CSMD1: variants seen among roughly 807,000 people sequenced by gnomAD.
CSMD1 encodes the protein CUB and Sushi multiple domains 1.
In CSMD1, 213 loss-of-function variants were observed where a neutral mutation model predicts 417.5. That is an observed-to-expected ratio of 0.51 (90% CI 0.46 to 0.57). The LOEUF is 0.57. CSMD1 is among the 20% of genes least tolerant of loss of function. The pLI, the probability that CSMD1 is intolerant of heterozygous loss-of-function variation, is 0.00. For synonymous variants in CSMD1, 2,862 were observed against 1,736.8 expected, an observed-to-expected ratio of 1.65 and a Z score of -16.11; for missense variants, 6,923 against 4,529.7, an observed-to-expected ratio of 1.53 and a Z score of -15.17.
chr8:4,558,637 C>T (rs894387219), intron 2 of CSMD1, among the ~76,000 whole-genome samples: 1 of 152,146 alleles, frequency 6.6e-6, no homozygotes, highest in African/African-American at 2.4e-5. Flanking sequence ...GAGGCTGAGG[C>T]AGCTGGATCA....
chr8:4,816,800 G>T (rs776901250), intron 1 of CSMD1, among the ~76,000 whole-genome samples: 1 of 152,142 alleles, frequency 6.6e-6, no homozygotes, highest in African/African-American at 2.4e-5. Flanking sequence ...AAAGATGGGA[G>T]AGATGTCACA....
intron 51 of CSMD1, among the ~76,000 whole-genome samples, chr8:3,028,809 C>A (rs975476331): frequency 1.3e-5 from 2 of 152,152 alleles, no homozygotes; most frequent in Non-Finnish European, 2.9e-5. Context: ...ATTCAGAGTG[C>A]TCTGAACAAT....
chr8:4,154,794 G>C (rs1189070901), intron 3 of CSMD1, among the ~76,000 whole-genome samples: 1 of 152,184 alleles, frequency 6.6e-6, no homozygotes, highest in African/African-American at 2.4e-5. Flanking sequence ...GAAAATAAGA[G>C]AAAGACTGAA....
At chr8:3,589,191 A>G (rs1800734841) in intron 8 of CSMD1, among the ~76,000 whole-genome samples, 1 of 152,188 alleles carries the variant, frequency 6.6e-6, no homozygotes, top group Admixed American at 6.5e-5. Flanking sequence ...GGTTGCTGAA[A>G]AAATTAAAAA....
chr8:4,468,263 T>G lies in CSMD1; in HGVS notation c.303-48198A>C, dbSNP rs73660877. 3.6e-3 allele frequency among the ~76,000 whole-genome samples: 543 copies of G among 152,336 alleles called. 3 individuals are homozygous for G. The highest frequency in any genetic ancestry group is 0.012 in the African/African-American group (519 of 41,586). ...AGAGCTGGCTGACTTCTGAGACTCCTGACCCCACCTTCACCCAAGGAACTT... is the reference window on the plus strand; with the variant it reads ...AGAGCTGGCTGACTTCTGAGACTCCGGACCCCACCTTCACCCAAGGAACTT... On this transcript the variant is annotated intron_variant, in intron 2 of 69. Coordinates refer to ENST00000635120, the MANE Select transcript of CSMD1 (RefSeq NM_033225.6).
chr8:4,338,547 T>C (rs1470601749), intron 3 of CSMD1, among the ~76,000 whole-genome samples: 3 of 152,192 alleles, frequency 2.0e-5, no homozygotes, highest in African/African-American at 7.2e-5. Context: ...TTACTCTATT[T>C]TCAAAACTAA....
chr8:4,716,540 T>C (rs560033330), intron 1 of CSMD1, among the ~76,000 whole-genome samples: 2 of 152,350 alleles, frequency 1.3e-5, no homozygotes, highest in South Asian at 4.1e-4. Context: ...CTACTTTTAA[T>C]TGACAGATAA....
At chr8:3,147,785 T>C (rs779212815) in intron 40 of CSMD1, among the ~76,000 whole-genome samples, 1 of 152,236 alleles carries the variant, frequency 6.6e-6, no homozygotes, top group African/African-American at 2.4e-5. Flanking sequence ...AAATATTGTT[T>C]AACACAGTTT....
intron 7 of CSMD1, among the ~76,000 whole-genome samples, chr8:3,694,060 G>C (rs1276124460): frequency 1.3e-5 from 2 of 151,636 alleles, no homozygotes; most frequent in African/African-American, 4.9e-5. Flanking sequence ...GTGTTAGTGT[G>C]TGTGTGTTGT....
intron 5 of CSMD1, among the ~76,000 whole-genome samples, chr8:3,958,840 TAGTAGGTGAAGTGTA>T (rs1812139798): frequency 6.6e-6 from 1 of 152,198 alleles, no homozygotes; most frequent in African/African-American, 2.4e-5. Context: ...GGAAATTGTG[TAGTAGGTGAAGTGTA>T]AGTAGATGAT....
chr8:3,481,254 G>C (rs1338091950), intron 11 of CSMD1, among the ~76,000 whole-genome samples: 1 of 148,418 alleles, frequency 6.7e-6, no homozygotes, highest in Non-Finnish European at 1.5e-5. Flanking sequence ...AAGGAGAAAA[G>C]AAAAGAAACT....
At chr8:3,268,745 T>C (rs1801621611) in intron 26 of CSMD1, among the ~76,000 whole-genome samples, 1 of 152,202 alleles carries the variant, frequency 6.6e-6, no homozygotes, top group Non-Finnish European at 1.5e-5. Context: ...GTTGTCTACC[T>C]CTGCCTACCT....
chr8:3,575,652 C>G (rs998368950), intron 9 of CSMD1, among the ~76,000 whole-genome samples: 1 of 151,900 alleles, frequency 6.6e-6, no homozygotes, highest in Non-Finnish European at 1.5e-5. Context: ...TTCTTTACAG[C>G]ACAACGCAAA....
chr8:3,748,926 G>T (rs1797184970), intron 6 of CSMD1, among the ~76,000 whole-genome samples: 1 of 152,098 alleles, frequency 6.6e-6, no homozygotes, highest in African/African-American at 2.4e-5. Flanking sequence ...TATAAAAATT[G>T]GAATTTTATT....
intron 1 of CSMD1, among the ~76,000 whole-genome samples, chr8:4,680,947 T>C (rs982505382): frequency 7.3e-6 from 1 of 136,606 alleles, no homozygotes; most frequent in Non-Finnish European, 1.5e-5. Context: ...TCTATCTATA[T>C]TGATGTGTGT....
intron 2 of CSMD1, among the ~76,000 whole-genome samples, chr8:4,505,305 G>A (rs1377126787): frequency 6.6e-6 from 1 of 152,028 alleles, no homozygotes; most frequent in Non-Finnish European, 1.5e-5. Flanking sequence ...CACCAACGAG[G>A]TAAAAGAGAA....
chr8:3,125,546 A>C (rs1456135055), intron 41 of CSMD1, among the ~76,000 whole-genome samples: 1 of 152,262 alleles, frequency 6.6e-6, no homozygotes, highest in Non-Finnish European at 1.5e-5. Flanking sequence ...GGGTGGTAAA[A>C]GCCACGATTA....
At chr8:3,507,749 T>C (rs1010511825) in intron 10 of CSMD1, among the ~76,000 whole-genome samples, 3 of 152,256 alleles carry the variant, frequency 2.0e-5, no homozygotes, top group South Asian at 2.1e-4. Flanking sequence ...ATTTCTCTGA[T>C]GGCCAGTGAT....
chr8:3,087,234 C>A lies in CSMD1; in HGVS notation c.7337G>T (p.Arg2446Met), dbSNP rs750516265. 1 of 1,614,010 alleles carries A rather than the reference C, an allele frequency of 6.2e-7. No individual in the cohort carries two copies. Among genetic ancestry groups the A allele is most frequent in the South Asian group, 1.1e-5 (1 of 91,082 alleles). ...TTTGCTTCCAACCGCTCCTGCAGTC[C>A]TGTTTAGAATACCCCCATTCTTCAG... is the stretch of plus-strand genomic sequence containing the variant. ...HPLKNGGILN[R>M]TAGAVGSKVH... Residue 2446 changes from arginine to methionine, a missense_variant, in exon 49 of 70, where the codon AGG (arginine) becomes ATG (methionine). Transcript: ENST00000635120.
Sources: allele counts gnomAD v4.1 joint callset (sites outside exome capture counted in the v4.1 genomes callset), GRCh38; gene constraint gnomAD v4.1.1; transcripts MANE v1.5; gene names NCBI Gene and HGNC (gene_info 2026-07-23, HGNC 2026-07-21).